SPINT1: variants seen among roughly 807,000 people sequenced by gnomAD.
SPINT1 encodes the protein serine peptidase inhibitor, Kunitz type 1, also known as kunitz-type protease inhibitor 1.
SPINT1 carries 38 observed loss-of-function variants against 53.7 expected under a neutral mutation model. That is an observed-to-expected ratio of 0.71 (90% confidence interval 0.55 to 0.93). The LOEUF (loss-of-function observed/expected upper bound fraction) is 0.93, where lower values mean the gene tolerates loss of function less well. Ranked by LOEUF, SPINT1 falls within the 40% of genes least tolerant of loss-of-function variation. The pLI is 0.00. For synonymous variants in SPINT1, 283 were observed against 280.6 expected (o/e 1.01, Z -0.08); for missense variants, 645 against 692.9 (o/e 0.93, Z 0.78).
At position 40,854,441 on chromosome 15, in the gene SPINT1, G is replaced by C; in HGVS notation, c.985G>C (p.Gly329Arg). The C allele has an allele frequency of 1.9e-6, 3 of 1,612,758 alleles. No individual in the cohort carries two copies. Among genetic ancestry groups the C allele is most frequent in the Non-Finnish European group, 2.5e-6 (3 of 1,179,418 alleles). The change falls in exon 7 of 11, where the codon GGC (glycine) becomes CGC (arginine). Residue 329 changes from glycine (G) to arginine (R), a missense_variant. By Grantham distance (125) the Gly-to-Arg change is moderately radical (BLOSUM62 -2). Transcript: ENST00000562057. ...GCCCACCCAGTTCCGCTGCAGCAAT[G>C]GCTGCTGCATCGACAGTTTCCTGGA... is the stretch of plus-strand genomic sequence containing the variant. ...CQPTQFRCSN[G>R]CCIDSFLECD... is the part of the protein sequence containing the mutation.
At chr15:40,845,562 A>AGTT (rs1490142582) in intron 2 of SPINT1, among the ~76,000 whole-genome samples, 1 of 152,144 alleles carries the variant, frequency 6.6e-6, no homozygotes, top group Non-Finnish European at 1.5e-5. Context: ...CAGTACAAAC[A>AGTT]GTAAACAAAT....
rs770028255 is a variant in SPINT1 at position 40,856,807 on chromosome 15, C to T, written c.1374C>T (p.Ile458=). 8.1e-6 allele frequency: 13 copies of T among 1,614,194 alleles called. No individual in the cohort carries two copies. In the South Asian group the frequency reaches 1.1e-4, roughly 14 times the overall value. Residue 458 remains isoleucine, a synonymous_variant, in exon 11 of 11, where the codon ATC becomes ATT. Coordinates refer to ENST00000562057, the MANE Select transcript of SPINT1 (RefSeq NM_003710.4). The part of the protein sequence containing the change: ...VEMAVAVFLV[I]CIVVVVAILG... ...TGGCTGTCGCAGTGTTCCTGGTCAT[C>T]TGCATTGTGGTGGTGGTAGCCATCT...
intron 2 of SPINT1, among the ~76,000 whole-genome samples, chr15:40,847,598 A>G (rs940866259): frequency 6.6e-6 from 1 of 152,048 alleles, no homozygotes; most frequent in African/African-American, 2.4e-5. Flanking sequence ...CGGAGTCTGC[A>G]CTTCCCTGAG....
Position 40,844,913 on chromosome 15 carries a change from A to G in SPINT1, c.359A>G (p.Asn120Ser), listed in dbSNP as rs749103967. The G allele has an allele frequency of 2.4e-5, 38 of 1,613,804 alleles. No homozygotes were observed. Among genetic ancestry groups the G allele is most frequent in the African/African-American group, 1.7e-4 (13 of 74,872 alleles). Residue 120 changes from asparagine to serine, a missense_variant, in exon 2 of 11, where the codon AAC (asparagine) becomes AGC (serine). Physicochemically the swap from Asn to Ser is conservative, Grantham distance 46. Coordinates refer to ENST00000562057, the MANE Select transcript of SPINT1 (RefSeq NM_003710.4). The surrounding 1 kb of genome is among the most constrained non-coding windows in gnomAD (Gnocchi z 5.8). ...EDAIAACFLINCLYEQNFVCK... is the reference protein window; with the variant it reads ...EDAIAACFLISCLYEQNFVCK... ...GCCATCGCCGCCTGCTTCCTCATCAACTGCCTCTACGAGCAGAACTTCGTG... is the reference window on the plus strand; with the variant it reads ...GCCATCGCCGCCTGCTTCCTCATCAGCTGCCTCTACGAGCAGAACTTCGTG...
intron 10 of SPINT1, 118 bp from the exon 11 acceptor site, chr15:40,856,652 G>C (rs1337922689): frequency 3.9e-6 from 6 of 1,533,254 alleles, no homozygotes; most frequent in Admixed American, 3.9e-5. Flanking sequence ...TCTGAGTCGG[G>C]TGCCCATGTC....
chr15:40,846,546 A>G (rs1026058392), intron 2 of SPINT1, among the ~76,000 whole-genome samples: 1 of 152,176 alleles, frequency 6.6e-6, no homozygotes, highest in South Asian at 2.1e-4. Flanking sequence ...AGACCTCCAA[A>G]AAAAGTCCTG....
chr15:40,844,903 TTCC>T lies in SPINT1; in HGVS notation c.352_354del (p.Leu118del). Reference sequence around the variant, plus strand: ...CGGGGAGGACGCCATCGCCGCCTGCTTCCTCATCAACTGCCTCTACGAGCAGAA... The same window carrying T: ...CGGGGAGGACGCCATCGCCGCCTGCTTCATCAACTGCCTCTACGAGCAGAA... On this transcript the variant is annotated inframe_deletion, in exon 2 of 11. Coordinates refer to ENST00000562057, the MANE Select transcript of SPINT1 (RefSeq NM_003710.4). This position sits in a 1 kb window ranked among gnomAD's most constrained non-coding sequence, Gnocchi z 5.8. 6.2e-7 allele frequency: 1 copy of T among 1,614,010 alleles called. No individual in the cohort carries two copies. The highest frequency in any genetic ancestry group is 8.5e-7 in the Non-Finnish European group (1 of 1,180,032).
In SPINT1 at chr15:40,844,249, C is replaced by T; in HGVS notation, c.-66+63C>T. 2.0e-6 allele frequency: 1 copy of T among 498,834 alleles called. No homozygotes were observed. Among genetic ancestry groups the T allele is most frequent in the Middle Eastern group, 4.4e-4 (1 of 2,298 alleles). 30.9% of individuals were successfully genotyped at this position (498,834 alleles called of 1,614,324 possible). A position where few individuals can be genotyped will look rare whatever the true frequency, so the allele number is the denominator to read the frequency against. ...CGGAGCGGGCTGGAGCATGTCCGGC[C>T]CTTTGTTCTGCGCTCGTGCGTGTGT... is the stretch of plus-strand genomic sequence containing the variant. On this transcript the variant is annotated intron_variant, in intron 1 of 10. Transcript: ENST00000562057. This position sits in a 1 kb window ranked among gnomAD's most constrained non-coding sequence, Gnocchi z 5.8.
chr15:40,854,512 C>T lies in SPINT1; in HGVS notation c.1056C>T (p.Ala352=). Residue 352 remains alanine (A), a synonymous_variant, in exon 7 of 11, where the codon GCC becomes GCT. Transcript: ENST00000562057. ...GCCCCGACGCCTCCGACGAGGCTGC[C>T]TGTGAAAAATGTGAGGCCTGGGGGA... is the stretch of plus-strand genomic sequence containing the variant. The part of the protein sequence containing the change: ...PNCPDASDEA[A]CEKYTSGFDE... 1.9e-6 allele frequency: 3 copies of T among 1,613,448 alleles called. No homozygotes were observed. The highest frequency in any genetic ancestry group is 2.5e-6 in the Non-Finnish European group (3 of 1,179,820).
chr15:40,851,222 C>A (rs141573491), intron 2 of SPINT1, among the ~76,000 whole-genome samples: 7,986 of 151,372 alleles, frequency 0.053, 330 homozygotes, highest in African/African-American at 0.12. Flanking sequence ...GGCACGATCT[C>A]GGCTCACTGC....
rs1313973432 is a variant in SPINT1 at position 40,844,415 on chromosome 15, G to A, written c.-65-75G>A. ...TCCCTCCTCCCCGCCACTTCCTCCC[G>A]GCCGGCCCGCCTCCTCCAAAGTCTC... On this transcript the variant is annotated intron_variant, in intron 1 of 10. Coordinates refer to ENST00000562057, the MANE Select transcript of SPINT1 (RefSeq NM_003710.4). The surrounding 1 kb of genome is among the most constrained non-coding windows in gnomAD (Gnocchi z 5.8). 13 of 920,706 alleles carry A rather than the reference G, an allele frequency of 1.4e-5. No homozygotes were observed. The highest frequency in any genetic ancestry group is 3.2e-4 in the Middle Eastern group (1 of 3,084). The allele number at this position is 920,706 out of a possible 1,614,324, so 57.0% of individuals were successfully genotyped here.
chr15:40,854,942 C>T (rs1891589374), intron 8 of SPINT1, among the ~76,000 whole-genome samples: 1 of 152,224 alleles, frequency 6.6e-6, no homozygotes, highest in African/African-American at 2.4e-5. Flanking sequence ...ATGTCCACCA[C>T]ATATTGCTCA....
rs921399364 is a variant in SPINT1, at chr15:40,858,028, T to C, written c.*1053T>C. ...ACCTCCATGTTAGGGCCCAGGTGAC[T>C]AGCTGTCTCCCTCCCAACAGAAGCC... On this transcript the variant is annotated 3_prime_UTR_variant, in exon 11 of 11. Coordinates refer to ENST00000562057, the MANE Select transcript of SPINT1 (RefSeq NM_003710.4). 2.6e-5 allele frequency: 4 copies of C among 152,160 alleles called. No homozygotes were observed. Among genetic ancestry groups the C allele is most frequent in the Non-Finnish European group, 5.9e-5 (4 of 68,014 alleles). The allele number at this position is 152,160 out of a possible 1,614,324, so 9.4% of individuals were successfully genotyped here.
intron 2 of SPINT1, among the ~76,000 whole-genome samples, chr15:40,845,293 AG>A (rs1371622603): frequency 1.6e-4 from 23 of 144,214 alleles, no homozygotes; most frequent in African/African-American, 5.7e-4. Context: ...CTGGAACTAC[AG>A]GCACCCGCTA....
chr15:40,855,106 C>T (rs1024305436), intron 8 of SPINT1, among the ~76,000 whole-genome samples: 3 of 152,158 alleles, frequency 2.0e-5, no homozygotes, highest in Non-Finnish European at 2.9e-5. Context: ...GCTTGCCAGG[C>T]GTGGTGGCTC....
intron 2 of SPINT1, among the ~76,000 whole-genome samples, chr15:40,849,249 A>G (rs1891387760): frequency 6.8e-6 from 1 of 146,560 alleles, no homozygotes; most frequent in Admixed American, 6.8e-5. Flanking sequence ...CCGTCTCAGG[A>G]AAAAAAAAAA....
intron 2 of SPINT1, among the ~76,000 whole-genome samples, chr15:40,848,538 A>G (rs977404467): frequency 1.3e-5 from 2 of 152,214 alleles, no homozygotes; most frequent in African/African-American, 2.4e-5. Context: ...CTATAATTGA[A>G]TACTGTGATG....
chr15:40,854,510 G>T lies in SPINT1; in HGVS notation c.1054G>T (p.Ala352Ser). ...CTGCCCCGACGCCTCCGACGAGGCTGCCTGTGAAAAATGTGAGGCCTGGGG... is the reference window on the plus strand; with the variant it reads ...CTGCCCCGACGCCTCCGACGAGGCTTCCTGTGAAAAATGTGAGGCCTGGGG... ...PNCPDASDEA[A>S]CEKYTSGFDE... The change falls in exon 7 of 11, where the codon GCC becomes TCC. Residue 352 changes from alanine to serine, a missense_variant. Transcript: ENST00000562057. 6.2e-7 allele frequency: 1 copy of T among 1,613,410 alleles called. No homozygotes were observed. The highest frequency in any genetic ancestry group is 8.5e-7 in the Non-Finnish European group (1 of 1,179,832).
At position 40,857,830 on chromosome 15, in the gene SPINT1, G is replaced by A. The variant is rs1243554987; in HGVS notation, c.*855G>A. On this transcript the variant is annotated 3_prime_UTR_variant, in exon 11 of 11. Coordinates refer to ENST00000562057, the MANE Select transcript of SPINT1 (RefSeq NM_003710.4). ...AGAGCAGTGCCATGTTTGACCACCA[G>A]AGGGGAGGAGTGAGCGGGCCACGGG... is the stretch of plus-strand genomic sequence containing the variant. 1 of 152,478 alleles carries A rather than the reference G, an allele frequency of 6.6e-6. No individual in the cohort carries two copies. The highest frequency in any genetic ancestry group is 1.5e-5 in the Non-Finnish European group (1 of 68,232). 9.4% of individuals were successfully genotyped at this position (152,478 alleles called of 1,614,324 possible). A position where few individuals can be genotyped will look rare whatever the true frequency, so the allele number is the denominator to read the frequency against.
Sources: gnomAD v4.1 joint callset for allele counts (sites outside exome capture counted in the v4.1 genomes callset) on GRCh38, gnomAD v4.1.1 for gene constraint, Gnocchi (gnomAD v3.1) non-coding constraint, MANE v1.5 for transcripts, NCBI Gene and HGNC (gene_info 2026-07-23, HGNC 2026-07-21) for gene names.